NAALADL2: variants seen among roughly 807,000 people sequenced by gnomAD.
NAALADL2 encodes N-acetylated alpha-linked acidic dipeptidase like 2.
Under a neutral mutation model 87.2 loss-of-function variants are expected in NAALADL2, and 76 were observed. The ratio of observed to expected loss-of-function variants is 0.87; its 90% CI spans 0.72 to 1.05. NAALADL2 has a LOEUF of 1.05. NAALADL2 is among the 50% of genes least tolerant of loss of function. The pLI is 0.00. For synonymous variants in NAALADL2, 354 were observed against 331.0 expected, an observed-to-expected ratio of 1.07 and a Z score of -0.75; for missense variants, 1,089 against 945.8, an observed-to-expected ratio of 1.15 and a Z score of -1.99.
intron 1 of NAALADL2, among the ~76,000 whole-genome samples, chr3:175,070,632 A>G (rs1715460053): frequency 1.3e-5 from 2 of 152,094 alleles, no homozygotes; most frequent in African/African-American, 2.4e-5. Context: ...GCTATGGTAT[A>G]GGGAATCCCA....
intron 2 of NAALADL2, among the ~76,000 whole-genome samples, chr3:174,652,297 T>G (rs1724443562): frequency 6.6e-6 from 1 of 152,218 alleles, no homozygotes; most frequent in Non-Finnish European, 1.5e-5. Flanking sequence ...GAGGGATATC[T>G]TCGTGACTTT....
intron 1 of NAALADL2, among the ~76,000 whole-genome samples, chr3:174,986,322 TAC>T (rs1361216910): frequency 6.7e-6 from 1 of 148,324 alleles, no homozygotes; most frequent in Non-Finnish European, 1.5e-5. Flanking sequence ...AATATATATA[TAC>T]AATATATATA....
intron 2 of NAALADL2, among the ~76,000 whole-genome samples, chr3:174,731,746 G>C (rs996983972): frequency 6.6e-6 from 1 of 152,228 alleles, no homozygotes; most frequent in South Asian, 2.1e-4. Context: ...TCAGTGTGAT[G>C]CTTGTACTGC....
intron 1 of NAALADL2, among the ~76,000 whole-genome samples, chr3:174,956,923 C>T (rs913517907): frequency 7.9e-5 from 12 of 152,002 alleles, no homozygotes; most frequent in Non-Finnish European, 1.5e-4. Flanking sequence ...AGAACTTAAA[C>T]CTTTTTTTCC....
At chr3:175,019,945 C>T (rs1305163313) in intron 1 of NAALADL2, among the ~76,000 whole-genome samples, 7 of 151,942 alleles carry the variant, frequency 4.6e-5, no homozygotes, top group African/African-American at 1.7e-4. Context: ...TTTTTCATTC[C>T]AGAAATAATA....
At chr3:175,536,576 TAATA>T (rs1483829806) in intron 9 of NAALADL2, among the ~76,000 whole-genome samples, 2 of 152,122 alleles carry the variant, frequency 1.3e-5, no homozygotes, top group Non-Finnish European at 1.5e-5. Flanking sequence ...AATATTAAAT[TAATA>T]GACTTGAAAG....
At chr3:175,019,375 T>A (rs1751274502) in intron 1 of NAALADL2, among the ~76,000 whole-genome samples, 1 of 152,098 alleles carries the variant, frequency 6.6e-6, no homozygotes, top group Non-Finnish European at 1.5e-5. Flanking sequence ...GTTTTAATTA[T>A]TTTTATTGTC....
chr3:174,855,996 A>G (rs1725826522), upstream of NAALADL2, among the ~76,000 whole-genome samples: 3 of 150,314 alleles, frequency 2.0e-5, no homozygotes, highest in African/African-American at 4.9e-5. Context: ...ATATATATAT[A>G]TATATATGAG....
At chr3:175,576,424 A>G (rs1468045717) in intron 10 of NAALADL2, among the ~76,000 whole-genome samples, 1 of 152,208 alleles carries the variant, frequency 6.6e-6, no homozygotes, top group East Asian at 1.9e-4. Flanking sequence ...ACATTTTCAC[A>G]CAGTGCTCTG....
chr3:175,103,014 C>T (rs1050562444), intron 2 of NAALADL2, among the ~76,000 whole-genome samples: 29 of 149,304 alleles, frequency 1.9e-4, no homozygotes, highest in East Asian at 4.0e-4. Flanking sequence ...GAGGCTAAGG[C>T]GGGAGAATTG....
At chr3:175,451,931 T>C (rs1037857985) in intron 6 of NAALADL2, among the ~76,000 whole-genome samples, 9 of 152,168 alleles carry the variant, frequency 5.9e-5, no homozygotes, top group African/African-American at 2.2e-4. Flanking sequence ...AAAATCTATC[T>C]TCCTAATCTG....
At chr3:174,787,620 T>TATATATAC (rs1489900205) in intron 3 of NAALADL2, among the ~76,000 whole-genome samples, 1 of 117,500 alleles carries the variant, frequency 8.5e-6, no homozygotes, top group African/African-American at 2.9e-5. Context: ...TATATATATA[T>TATATATAC]AGTAGTGACT....
At chr3:174,985,268 G>A (rs1263814419) in intron 1 of NAALADL2, among the ~76,000 whole-genome samples, 1 of 152,182 alleles carries the variant, frequency 6.6e-6, no homozygotes, top group Non-Finnish European at 1.5e-5. Flanking sequence ...GAAGTGTAGA[G>A]ATATTTGGCG....
intron 4 of NAALADL2, among the ~76,000 whole-genome samples, chr3:175,288,428 C>T (rs1331531651): frequency 6.6e-6 from 1 of 152,114 alleles, no homozygotes; most frequent in Non-Finnish European, 1.5e-5. Context: ...ATCTAGGTAC[C>T]CCATAGCCCA....
Position 175,170,141 on chromosome 3 carries a change from T to C in NAALADL2, c.546-63790T>C, listed in dbSNP as rs1261102298. On this transcript the variant is annotated intron_variant, in intron 2 of 13. Coordinates refer to ENST00000454872, the MANE Select transcript of NAALADL2 (RefSeq NM_207015.3). ...AAAGTGCTTGAAATGAATTCCTAAT[T>C]CCCAAACTATATTTCTCTTTTCCTC... Among the ~76,000 whole-genome samples, 5 of 151,770 alleles carry C rather than the reference T, an allele frequency of 3.3e-5. No individual in the cohort carries two copies. The East Asian group carries it at 9.6e-4, about 29-fold the overall frequency.
Position 174,689,387 on chromosome 3 carries a change from C to G in NAALADL2, c.-114-48254C>G, listed in dbSNP as rs374174797. Among the ~76,000 whole-genome samples the G allele has an allele frequency of 2.3e-3, 309 of 135,038 alleles. 2 individuals are homozygous for G. The highest frequency in any genetic ancestry group is 7.9e-3 in the African/African-American group (299 of 38,038). 88.6% of individuals were successfully genotyped at this position (135,038 alleles called of 152,430 possible). A position where few individuals can be genotyped will look rare whatever the true frequency, so the allele number is the denominator to read the frequency against. On this transcript the variant is annotated intron_variant, in intron 2 of 3. Coordinates refer to the NAALADL2 transcript ENST00000434257. ...CTACTGCCTAAATCCCCCTCTACCC[C>G]CCGCTTCACCTTTTTTTTACCAGTT...
intron 2 of NAALADL2, among the ~76,000 whole-genome samples, chr3:174,608,415 GCTAGCAAGA>G (rs1243661409): frequency 1.3e-5 from 2 of 151,592 alleles, no homozygotes; most frequent in Middle Eastern, 6.8e-3. Context: ...TTGATAGACC[GCTAGCAAGA>G]CTAATAAAAA....
chr3:174,751,415 C>A (rs1021342096), intron 3 of NAALADL2, among the ~76,000 whole-genome samples: 1 of 152,090 alleles, frequency 6.6e-6, no homozygotes, highest in African/African-American at 2.4e-5. Flanking sequence ...GTAATCCCAG[C>A]ACTTTGGGAG....
chr3:174,914,636 G>A (rs1430769598), intron 1 of NAALADL2, among the ~76,000 whole-genome samples: 1 of 152,082 alleles, frequency 6.6e-6, no homozygotes, highest in Admixed American at 6.6e-5. Flanking sequence ...GTAAATAAAT[G>A]TACATTTTCT....
Sources: allele counts gnomAD v4.1 joint callset (sites outside exome capture counted in the v4.1 genomes callset), GRCh38; gene constraint gnomAD v4.1.1; transcripts MANE v1.5; gene names NCBI Gene and HGNC (gene_info 2026-07-23, HGNC 2026-07-21).